Variants in GTPBP4 observed in about 807,000 individuals in gnomAD.
GTPBP4 encodes the protein GTP binding protein 4.
GTPBP4 carries 15 observed loss-of-function variants against 81.7 expected under a neutral mutation model. The observed-to-expected ratio is 0.18, with a 90% CI of 0.12 to 0.28. The LOEUF is 0.28. GTPBP4 is among the 10% of genes least tolerant of loss of function. The pLI is 1.00. For synonymous variants in GTPBP4, 272 were observed against 274.6 expected (o/e 0.99, Z 0.09); for missense variants, 847 against 793.8 (o/e 1.07, Z -0.81).
chr10:997,338 C>A (rs1166661234), intron 5 of GTPBP4, 30 bp downstream of exon 5: 1 of 1,157,738 alleles, frequency 8.6e-7, no homozygotes, highest in African/African-American at 1.5e-5. Flanking sequence ...TAAAGCAAAT[C>A]ATCTGACTAT....
Position 1,012,679 on chromosome 10 carries a change from C to G in GTPBP4, c.1542+17C>G. The G allele has an allele frequency of 6.3e-7, 1 of 1,586,298 alleles. No homozygotes were observed. On this transcript the variant is annotated intron_variant, in intron 14 of 16. Coordinates refer to ENST00000360803, the MANE Select transcript of GTPBP4 (RefSeq NM_012341.3). Reference sequence around the variant, plus strand: ...GCTAAGAAGGCAAGTTTGTGTCTTTCCAAAGCAGTGTGATCTAGTTTTTGA... The same window carrying G: ...GCTAAGAAGGCAAGTTTGTGTCTTTGCAAAGCAGTGTGATCTAGTTTTTGA...
At chr10:999,386 G>A (rs1000290729) in intron 6 of GTPBP4, among the ~76,000 whole-genome samples, 1 of 152,120 alleles carries the variant, frequency 6.6e-6, no homozygotes, top group Non-Finnish European at 1.5e-5. Context: ...CTCCCAAAGT[G>A]CTAGGATTAC....
At chr10:1,008,012 G>A (rs1398371081) in intron 10 of GTPBP4, 1 of 509,882 alleles carries the variant, frequency 2.0e-6, no homozygotes, top group Admixed American at 2.0e-5. Flanking sequence ...AACTTCAAAT[G>A]TGCTGTACAT....
chr10:994,047 C>T (rs937725390), intron 2 of GTPBP4, among the ~76,000 whole-genome samples: 3 of 152,118 alleles, frequency 2.0e-5, no homozygotes, highest in African/African-American at 7.2e-5. Flanking sequence ...GTGTGAGCCA[C>T]TGCACCTGTC....
At chr10:1,009,161 G>C in intron 11 of GTPBP4, 126 bp downstream of exon 11, 1 of 677,704 alleles carries the variant, frequency 1.5e-6, no homozygotes. Flanking sequence ...TCAGGCTGCG[G>C]ACACAGCAGT....
At chr10:1,004,169 G>A (rs143314974) in intron 8 of GTPBP4, among the ~76,000 whole-genome samples, 7 of 152,228 alleles carry the variant, frequency 4.6e-5, no homozygotes, top group East Asian at 1.9e-4. Context: ...GTCAGCTCAA[G>A]GGGAACTCTG....
At chr10:1,010,305 C>G in intron 12 of GTPBP4, 115 bp from the exon 13 acceptor site, 1 of 654,070 alleles carries the variant, frequency 1.5e-6, no homozygotes, top group South Asian at 1.8e-5. Flanking sequence ...GCACGTCGTG[C>G]TCTCTTCTGC....
rs539888600 is a variant in GTPBP4, at chr10:1,019,351, T to C, written c.*2124T>C. On this transcript the variant is annotated 3_prime_UTR_variant, in exon 17 of 17. Coordinates refer to ENST00000360803, the MANE Select transcript of GTPBP4 (RefSeq NM_012341.3). ...ATATGGAAATAAGGAAAAGGGAAAA[T>C]GAAGATATGACAAAGTTGATGAAAA... 3.4e-5 allele frequency: 19 copies of C among 554,476 alleles called. No individual in the cohort carries two copies. The highest frequency in any genetic ancestry group is 3.0e-4 in the African/African-American group (16 of 52,972). 34.3% of individuals were successfully genotyped at this position (554,476 alleles called of 1,614,324 possible).
chr10:995,710 TGA>T (rs1278205316), intron 2 of GTPBP4, among the ~76,000 whole-genome samples: 1 of 152,120 alleles, frequency 6.6e-6, no homozygotes, highest in Non-Finnish European at 1.5e-5. Context: ...ACCACTGCAC[TGA>T]GAGCGAGGTG....
rs1479401514 is a variant in GTPBP4 at position 1,019,433 on chromosome 10, T to G, written c.*2206T>G. ...ATCAAGTGCCCCTTTTGCCCTGTTT[T>G]TTGGAGAGGGTGTATCATTGCCTCA... is the stretch of plus-strand genomic sequence containing the variant. On this transcript the variant is annotated 3_prime_UTR_variant, in exon 17 of 17. Transcript: ENST00000360803. 1.6e-5 allele frequency: 18 copies of G among 1,123,412 alleles called. No individual in the cohort carries two copies. The highest frequency in any genetic ancestry group is 2.3e-5 in the Non-Finnish European group (18 of 799,216). 69.6% of individuals were successfully genotyped at this position (1,123,412 alleles called of 1,614,324 possible). A position where few individuals can be genotyped will look rare whatever the true frequency, so the allele number is the denominator to read the frequency against.
At chr10:992,052 T>C (rs1156964488) in intron 1 of GTPBP4, among the ~76,000 whole-genome samples, 1 of 151,252 alleles carries the variant, frequency 6.6e-6, no homozygotes, top group East Asian at 2.0e-4. Flanking sequence ...ACATGAAACG[T>C]TTAGTAAATT....
intron 12 of GTPBP4, among the ~76,000 whole-genome samples, chr10:1,010,145 T>C (rs562337716): frequency 7.7e-5 from 8 of 103,402 alleles, no homozygotes; most frequent in African/African-American, 2.4e-4. Flanking sequence ...GATGGTGGGG[T>C]GATTTCTGTA....
intron 8 of GTPBP4, among the ~76,000 whole-genome samples, chr10:1,002,254 T>C (rs987659678): frequency 3.9e-5 from 6 of 152,182 alleles, no homozygotes; most frequent in Non-Finnish European, 5.9e-5. Flanking sequence ...TATTTGTTGA[T>C]TCTTTTTTGC....
At position 1,012,594 on chromosome 10, in the gene GTPBP4, A is replaced by G; in HGVS notation, c.1474A>G (p.Lys492Glu). Reference sequence around the variant, plus strand: ...GGCAAAGCAAATTCGAGAGAAAAAGAAGTTGAAAATTCTGGAGTCCAAAGA... The same window carrying G: ...GGCAAAGCAAATTCGAGAGAAAAAGGAGTTGAAAATTCTGGAGTCCAAAGA... ...QLAKQIREKK[K>E]LKILESKEKN... Residue 492 changes from lysine to glutamate, a missense_variant, in exon 14 of 17, where the codon AAG becomes GAG. Transcript: ENST00000360803. The G allele has an allele frequency of 6.2e-7, 1 of 1,614,150 alleles. No homozygotes were observed. The highest frequency in any genetic ancestry group is 8.5e-7 in the Non-Finnish European group (1 of 1,179,984).
intron 12 of GTPBP4, among the ~76,000 whole-genome samples, chr10:1,009,803 T>G (rs1831815800): frequency 6.6e-6 from 1 of 152,224 alleles, no homozygotes; most frequent in Middle Eastern, 3.2e-3. Flanking sequence ...GAGACCAACC[T>G]GGGCAACATG....
At chr10:1,006,127 T>C (rs1185087109) in intron 9 of GTPBP4, among the ~76,000 whole-genome samples, 1 of 152,234 alleles carries the variant, frequency 6.6e-6, no homozygotes, top group Non-Finnish European at 1.5e-5. Flanking sequence ...TGCTTTGCTC[T>C]TCTCACCCCA....
At chr10:995,299 A>G (rs994976699) in intron 2 of GTPBP4, among the ~76,000 whole-genome samples, 22 of 152,170 alleles carry the variant, frequency 1.4e-4, no homozygotes, top group Non-Finnish European at 2.4e-4. Context: ...CTCTCCACCT[A>G]GAAGCTGTGA....
intron 10 of GTPBP4, chr10:1,007,333 A>G (rs1831760852): frequency 9.8e-6 from 5 of 509,882 alleles, no homozygotes; most frequent in Non-Finnish European, 1.8e-5. Context: ...TTCCCACTGC[A>G]TGACGTGGTC....
chr10:998,948 T>A (rs969262191), intron 5 of GTPBP4, 55 bp from the exon 6 acceptor site: 3 of 937,640 alleles, frequency 3.2e-6, no homozygotes, highest in African/African-American at 3.2e-5. Context: ...AACACACAGA[T>A]CCCACGTGTA....
Sources: allele counts gnomAD v4.1 joint callset (sites outside exome capture counted in the v4.1 genomes callset), GRCh38; gene constraint gnomAD v4.1.1; transcripts MANE v1.5; gene names NCBI Gene and HGNC (gene_info 2026-07-23, HGNC 2026-07-21).